The following N4BP2 variants were observed in gnomAD, a reference collection of about 807,000 sequenced individuals.
The protein encoded by N4BP2 is NEDD4 binding protein 2.
Under a neutral mutation model 152.8 loss-of-function variants are expected in N4BP2, and 91 were observed. That is an observed-to-expected ratio of 0.60 (90% confidence interval 0.50 to 0.71). The LOEUF is 0.71. Among genes scored for constraint, N4BP2 ranks in the 30% least tolerant of loss-of-function variants. N4BP2 has a pLI of 0.00. For missense variants in N4BP2, 1,923 were observed against 2,059.1 expected (o/e 0.93, Z 1.28); for synonymous variants, 646 against 705.3 (o/e 0.92, Z 1.33).
At chr4:40,146,758 C>T (rs1720555202) in intron 16 of N4BP2, among the ~76,000 whole-genome samples, 1 of 151,960 alleles carries the variant, frequency 6.6e-6, no homozygotes, top group Non-Finnish European at 1.5e-5. Flanking sequence ...TACACATTAG[C>T]TCAGCAGAAT....
Position 40,102,632 on chromosome 4 carries a change from A to G in N4BP2, c.787A>G (p.Asn263Asp). The stretch of plus-strand genomic sequence containing the variant: ...CTCCATCGCAGGTTGTAGCAGTCTC[A>G]ATCAAAAACAGAAAGAACTTTTAGA... The part of the protein sequence containing the change: ...SDSIAGCSSL[N>D]QKQKELLESE... The change falls in exon 4 of 18, where the codon AAT (asparagine) becomes GAT (aspartate). Residue 263 changes from asparagine to aspartate, a missense_variant. Coordinates refer to ENST00000261435, the MANE Select transcript of N4BP2 (RefSeq NM_018177.6). 6.2e-7 allele frequency: 1 copy of G among 1,613,810 alleles called. No individual in the cohort carries two copies. Among genetic ancestry groups the G allele is most frequent in the Non-Finnish European group, 8.5e-7 (1 of 1,179,658 alleles).
rs764044577 is a variant in N4BP2 at position 40,152,819 on chromosome 4, T to C, written c.5183T>C (p.Ile1728Thr). Residue 1728 changes from isoleucine (I) to threonine (T), a missense_variant, in exon 17 of 18, where the codon ATT becomes ACT. Physicochemically the swap from Ile to Thr is moderately conservative, Grantham distance 89. Coordinates refer to ENST00000261435, the MANE Select transcript of N4BP2 (RefSeq NM_018177.6). ...GGTGGGAAGCCCTATTTGTCTGTGA[T>C]TACGGGGAGAGGAAACCACAGCCAG... is the stretch of plus-strand genomic sequence containing the variant. ...QNGGKPYLSV[I>T]TGRGNHSQGG... The C allele has an allele frequency of 3.1e-6, 5 of 1,614,084 alleles. No homozygotes were observed. In the South Asian group the frequency reaches 5.5e-5, roughly 18 times the overall value.
chr4:40,098,971 T>G (rs1340392095), intron 3 of N4BP2, among the ~76,000 whole-genome samples: 1 of 152,264 alleles, frequency 6.6e-6, no homozygotes, highest in Non-Finnish European at 1.5e-5. Flanking sequence ...TACTGAGTTG[T>G]GCTGTAGTTT....
chr4:40,147,486 C>T (rs1207668390), intron 16 of N4BP2, among the ~76,000 whole-genome samples: 2 of 151,288 alleles, frequency 1.3e-5, no homozygotes, highest in Non-Finnish European at 1.5e-5. Context: ...CCAGAAGGGG[C>T]GGCCGGGCAG....
intron 12 of N4BP2, 44 bp downstream of exon 12, chr4:40,126,374 T>C: frequency 1.0e-6 from 1 of 977,628 alleles, no homozygotes; most frequent in Non-Finnish European, 1.5e-6. Context: ...CTGATTCTGG[T>C]TTATTGTGTA....
At chr4:40,174,526 G>T in the N4BP2 span, among the ~76,000 whole-genome samples, 2,006 of 152,042 alleles carry the variant, frequency 0.013, 42 homozygotes, top group African/African-American at 0.045. Context: ...CTGCTGGCCA[G>T]GTGCGGTGGC....
chr4:40,115,904 TTTA>T (rs1365230294), intron 7 of N4BP2, among the ~76,000 whole-genome samples: 1 of 152,224 alleles, frequency 6.6e-6, no homozygotes, highest in Non-Finnish European at 1.5e-5. Flanking sequence ...GAAATCTCCC[TTTA>T]TTATGTTGAA....
At chr4:40,184,958 A>AAAAT in the N4BP2 span, among the ~76,000 whole-genome samples, 11,898 of 151,574 alleles carry the variant, frequency 0.078, 472 homozygotes, top group African/African-American at 0.087. Flanking sequence ...TCTGTCTCAA[A>AAAAT]AAATAAATAA....
intron 1 of N4BP2, among the ~76,000 whole-genome samples, chr4:40,060,595 T>C (rs1270175053): frequency 7.4e-6 from 1 of 134,626 alleles, no homozygotes; most frequent in East Asian, 2.4e-4. Context: ...TGTGGCTAAG[T>C]AGCTAGATTT....
intron 8 of N4BP2, 65 bp downstream of exon 8, chr4:40,118,089 G>A (rs1185888893): frequency 7.6e-7 from 1 of 1,311,946 alleles, no homozygotes; most frequent in Non-Finnish European, 1.0e-6. Context: ...GTATAATTTT[G>A]GAGCTTGTGG....
chr4:40,141,096 G>A (rs952284775), intron 14 of N4BP2, among the ~76,000 whole-genome samples: 13 of 151,996 alleles, frequency 8.6e-5, no homozygotes, highest in Non-Finnish European at 1.8e-4. Flanking sequence ...TTCTCAATGA[G>A]CTGCCGGGCA....
chr4:40,093,233 C>T lies in N4BP2; in HGVS notation c.-114-3994C>T, dbSNP rs377681051. 1.8e-3 allele frequency among the ~76,000 whole-genome samples: 281 copies of T among 152,288 alleles called. 4 individuals carry two copies. In the South Asian group the frequency reaches 0.035, roughly 19 times the overall value. On this transcript the variant is annotated intron_variant, in intron 2 of 17. Coordinates refer to ENST00000261435, the MANE Select transcript of N4BP2 (RefSeq NM_018177.6). The stretch of plus-strand genomic sequence containing the variant: ...TGCTGGGATTACAGGCATGAGCCAC[C>T]ATGCCTGGCCCCGGCCTACTCTTTA...
intron 2 of N4BP2, among the ~76,000 whole-genome samples, chr4:40,084,891 AGGTGTG>A (rs1444616565): frequency 6.8e-6 from 1 of 147,080 alleles, no homozygotes. Flanking sequence ...CTGGGGTTAC[AGGTGTG>A]AGCCACAGCG....
At chr4:40,064,419 C>T (rs961899171) in intron 1 of N4BP2, among the ~76,000 whole-genome samples, 6 of 151,710 alleles carry the variant, frequency 4.0e-5, no homozygotes, top group African/African-American at 1.5e-4. Flanking sequence ...GGACTGTAAG[C>T]GCGCACCACC....
chr4:40,126,816 G>C (rs543751070), intron 12 of N4BP2, among the ~76,000 whole-genome samples: 1 of 151,830 alleles, frequency 6.6e-6, no homozygotes, highest in Admixed American at 6.6e-5. Context: ...GGAGTACAGT[G>C]GTGTAATCTT....
At position 40,121,326 on chromosome 4, in the gene N4BP2, A is replaced by G; in HGVS notation, c.3215A>G (p.Tyr1072Cys). 1.9e-6 allele frequency: 3 copies of G among 1,613,990 alleles called. No individual in the cohort carries two copies. The highest frequency in any genetic ancestry group is 4.5e-5 in the East Asian group (2 of 44,866). ...GAAGCAATTCCATATAGAGTAATGT[A>G]TGATAAAAGCACGTTTGTTGAAGAA... ...VQEAIPYRVM[Y>C]DKSTFVEESE... Residue 1072 changes from tyrosine to cysteine, a missense_variant, in exon 9 of 18, where the codon TAT (tyrosine) becomes TGT (cysteine). Transcript: ENST00000261435.
At chr4:40,133,835 T>C (rs1248079353) in intron 13 of N4BP2, among the ~76,000 whole-genome samples, 1 of 152,144 alleles carries the variant, frequency 6.6e-6, no homozygotes, top group Admixed American at 6.5e-5. Context: ...TGAGACAGGA[T>C]CTTGCTGTTG....
At chr4:40,187,427 G>A in the N4BP2 span, among the ~76,000 whole-genome samples, 106 of 152,300 alleles carry the variant, frequency 7.0e-4, 2 homozygotes, top group South Asian at 0.016. Flanking sequence ...GACATACCCT[G>A]ACTTCCTTGT....
At chr4:40,059,641 C>T (rs533406924) in intron 1 of N4BP2, among the ~76,000 whole-genome samples, 3 of 151,088 alleles carry the variant, frequency 2.0e-5, no homozygotes, top group East Asian at 1.9e-4. Context: ...TGAGCCACCC[C>T]GCCTGGCCTT....
Sources: gnomAD v4.1 joint callset for allele counts (sites outside exome capture counted in the v4.1 genomes callset) on GRCh38, gnomAD v4.1.1 for gene constraint, MANE v1.5 for transcripts, NCBI Gene and HGNC (gene_info 2026-07-23, HGNC 2026-07-21) for gene names.